The following NRXN3 variants were observed in gnomAD, a reference collection of about 807,000 sequenced individuals.
NRXN3 encodes neurexin 3, also known as neurexin III.
Under a neutral mutation model 137.6 loss-of-function variants are expected in NRXN3, and 32 were observed. The ratio of observed to expected loss-of-function variants is 0.23; its 90% confidence interval spans 0.18 to 0.31. The LOEUF (loss-of-function observed/expected upper bound fraction) is 0.31, where lower values mean the gene tolerates loss of function less well. NRXN3 is among the 10% of genes least tolerant of loss of function. The probability of loss-of-function intolerance (pLI) is 1.00; values close to 1 mark genes in which losing one functional copy is unlikely to be tolerated. For synonymous variants in NRXN3, 798 were observed against 784.5 expected, an observed-to-expected ratio of 1.02 and a Z score of -0.29; for missense variants, 1,574 against 2,062.5, an observed-to-expected ratio of 0.76 and a Z score of 4.59.
chr14:79,487,343 C>T (rs1796713025), intron 16 of NRXN3, among the ~76,000 whole-genome samples: 1 of 151,266 alleles, frequency 6.6e-6, no homozygotes, highest in Non-Finnish European at 1.5e-5. Context: ...TCTTGTGCTA[C>T]ATGTTTCACC....
chr14:78,913,500 G>T (rs1026604446), intron 10 of NRXN3, among the ~76,000 whole-genome samples: 1 of 151,594 alleles, frequency 6.6e-6, no homozygotes, highest in Non-Finnish European at 1.5e-5. Flanking sequence ...GGATGGTCTC[G>T]ATCTCTTGAC....
chr14:78,983,854 T>TAAAAAAAAAAAAAAAAAA (rs965751583), intron 14 of NRXN3, among the ~76,000 whole-genome samples: 2 of 105,918 alleles, frequency 1.9e-5, no homozygotes, highest in Non-Finnish European at 4.1e-5. Flanking sequence ...AGATTCCATT[T>TAAAAAAAAAAAAAAAAAA]AAAAAAAAAA....
intron 15 of NRXN3, among the ~76,000 whole-genome samples, chr14:79,264,350 G>T (rs1396137952): frequency 6.6e-6 from 1 of 152,182 alleles, no homozygotes; most frequent in Non-Finnish European, 1.5e-5. Flanking sequence ...TGGCCTCCCA[G>T]AGTGCTGGGA....
intron 15 of NRXN3, among the ~76,000 whole-genome samples, chr14:79,457,922 G>A (rs896122761): frequency 6.6e-6 from 1 of 152,108 alleles, no homozygotes. Flanking sequence ...GTCATCAGAA[G>A]GAATGCACTT....
intron 4 of NRXN3, among the ~76,000 whole-genome samples, chr14:78,359,922 CCT>C (rs1332333571): frequency 1.3e-5 from 2 of 152,116 alleles, no homozygotes; most frequent in Admixed American, 6.6e-5. Flanking sequence ...TCAATATCCC[CCT>C]GTCTCTCTTG....
intron 15 of NRXN3, among the ~76,000 whole-genome samples, chr14:79,091,649 G>C (rs1188505920): frequency 4.6e-5 from 7 of 152,158 alleles, no homozygotes; most frequent in Non-Finnish European, 8.8e-5. Context: ...GATTGTTTAA[G>C]TCAGTGGGTG....
At chr14:78,348,674 T>G (rs2153590488) in intron 4 of NRXN3, among the ~76,000 whole-genome samples, 1 of 152,306 alleles carries the variant, frequency 6.6e-6, no homozygotes, top group East Asian at 1.9e-4. Flanking sequence ...CTGTATCACT[T>G]GGGAACCTAC....
At chr14:79,007,930 C>T (rs2099556953) in intron 15 of NRXN3, among the ~76,000 whole-genome samples, 1 of 151,714 alleles carries the variant, frequency 6.6e-6, no homozygotes, top group Non-Finnish European at 1.5e-5. Context: ...TACTACTTAC[C>T]TCTTAATCCT....
At chr14:78,627,206 C>T (rs1026589248) in intron 4 of NRXN3, among the ~76,000 whole-genome samples, 2 of 148,296 alleles carry the variant, frequency 1.3e-5, no homozygotes, top group African/African-American at 5.0e-5. Flanking sequence ...TCTTCTTTCA[C>T]TGTTTTTAAT....
chr14:78,258,193 A>G (rs923535686), intron 2 of NRXN3, among the ~76,000 whole-genome samples: 24 of 152,312 alleles, frequency 1.6e-4, no homozygotes, highest in African/African-American at 5.8e-4. Flanking sequence ...GGCACATAGT[A>G]AACCCTTAGT....
At chr14:78,513,423 A>C (rs765461527) in intron 4 of NRXN3, among the ~76,000 whole-genome samples, 8 of 152,144 alleles carry the variant, frequency 5.3e-5, no homozygotes, top group Admixed American at 1.3e-4. Flanking sequence ...TAGATTAGAG[A>C]GCAGGAGATA....
At chr14:78,479,835 A>G (rs989116078) in intron 4 of NRXN3, among the ~76,000 whole-genome samples, 6 of 152,122 alleles carry the variant, frequency 3.9e-5, no homozygotes, top group Non-Finnish European at 7.3e-5. Context: ...ACCCTGAGGA[A>G]TATCAGTAGT....
intron 8 of NRXN3, 37 bp downstream of exon 8, chr14:78,715,176 G>A (rs1467024140): frequency 1.3e-6 from 2 of 1,585,974 alleles, no homozygotes; most frequent in Admixed American, 3.4e-5. Flanking sequence ...GAGGGCCTGA[G>A]TGGGGCTGAT....
intron 19 of NRXN3, among the ~76,000 whole-genome samples, chr14:79,757,101 T>G (rs142269815): frequency 1.3e-5 from 2 of 152,288 alleles, no homozygotes; most frequent in Non-Finnish European, 2.9e-5. Context: ...CTACTGGTAC[T>G]TAAGCTTCCC....
At chr14:79,050,434 C>A (rs1411211444) in intron 15 of NRXN3, among the ~76,000 whole-genome samples, 1 of 152,154 alleles carries the variant, frequency 6.6e-6, no homozygotes, top group South Asian at 2.1e-4. Context: ...ATATTGACAA[C>A]AGCACAGTGG....
chr14:79,007,986 T>G (rs144863008), intron 15 of NRXN3, among the ~76,000 whole-genome samples: 1 of 152,028 alleles, frequency 6.6e-6, no homozygotes, highest in Non-Finnish European at 1.5e-5. Flanking sequence ...CTCTGTCAAG[T>G]GGCTCAAGCA....
chr14:79,783,346 G>A (rs1194301292), intron 19 of NRXN3, among the ~76,000 whole-genome samples: 1 of 152,158 alleles, frequency 6.6e-6, no homozygotes, highest in Non-Finnish European at 1.5e-5. Flanking sequence ...GTTATTACGT[G>A]GGAAAATACA....
chr14:78,791,348 A>G (rs2098804529), intron 8 of NRXN3, among the ~76,000 whole-genome samples: 2 of 152,124 alleles, frequency 1.3e-5, no homozygotes, highest in African/African-American at 4.8e-5. Flanking sequence ...CCAAATAATC[A>G]TTATCCCAAA....
At chr14:79,165,181 G>A (rs1288467777) in intron 15 of NRXN3, among the ~76,000 whole-genome samples, 1 of 151,970 alleles carries the variant, frequency 6.6e-6, no homozygotes, top group Admixed American at 6.6e-5. Context: ...GGATCCCTTG[G>A]TTAGGAATGT....
Sources: gnomAD v4.1 joint callset for allele counts (sites outside exome capture counted in the v4.1 genomes callset) on GRCh38, gnomAD v4.1.1 for gene constraint, MANE v1.5 for transcripts, NCBI Gene and HGNC (gene_info 2026-07-23, HGNC 2026-07-21) for gene names.